PDE4D: variants seen among roughly 807,000 people sequenced by gnomAD.
PDE4D encodes the protein phosphodiesterase 4D.
A neutral mutation model predicts 87.4 loss-of-function variants in PDE4D; 24 were observed. That is an observed-to-expected ratio of 0.27 (90% CI 0.20 to 0.39). The LOEUF (loss-of-function observed/expected upper bound fraction) is 0.39, where lower values mean the gene tolerates loss of function less well. Among genes scored for constraint, PDE4D ranks in the 10% least tolerant of loss-of-function variants. The pLI is 1.00. For synonymous variants in PDE4D, 384 were observed against 383.2 expected (o/e 1.00, Z -0.02); for missense variants, 714 against 1,041.0 (o/e 0.69, Z 4.32).
At chr5:59,332,867 T>C (rs1000908865) in intron 1 of PDE4D, among the ~76,000 whole-genome samples, 4 of 152,184 alleles carry the variant, frequency 2.6e-5, no homozygotes, top group Admixed American at 2.6e-4. Flanking sequence ...GACACAGACA[T>C]GATCATCTGG....
chr5:59,949,678 A>G (rs552856547), intron 3 of PDE4D, among the ~76,000 whole-genome samples: 2 of 152,306 alleles, frequency 1.3e-5, no homozygotes, highest in African/African-American at 2.4e-5. Context: ...GTTACTATCA[A>G]CATTAAGAAA....
At chr5:60,457,208 A>G (rs1746541054) in intron 1 of PDE4D, among the ~76,000 whole-genome samples, 4 of 152,230 alleles carry the variant, frequency 2.6e-5, no homozygotes, top group South Asian at 4.1e-4. Flanking sequence ...CAGAATCTAT[A>G]TAACATGGAA....
intron 1 of PDE4D, among the ~76,000 whole-genome samples, chr5:60,360,517 C>T (rs1759971234): frequency 6.6e-6 from 1 of 152,196 alleles, no homozygotes; most frequent in African/African-American, 2.4e-5. Context: ...CACACATCTG[C>T]TATTTACTGA....
chr5:59,678,884 A>G (rs1245530901), intron 1 of PDE4D, among the ~76,000 whole-genome samples: 2 of 152,198 alleles, frequency 1.3e-5, no homozygotes, highest in Non-Finnish European at 2.9e-5. Flanking sequence ...AGGCATTGTT[A>G]TATGCATATT....
chr5:59,211,374 G>A (rs903196042), intron 2 of PDE4D, among the ~76,000 whole-genome samples: 5 of 152,016 alleles, frequency 3.3e-5, no homozygotes, highest in Admixed American at 3.3e-4. Flanking sequence ...CTATATACTT[G>A]TATACATTCT....
chr5:60,223,710 G>A (rs940054637), intron 1 of PDE4D, among the ~76,000 whole-genome samples: 3 of 152,046 alleles, frequency 2.0e-5, no homozygotes, highest in African/African-American at 7.2e-5. Flanking sequence ...TTTTCTAATT[G>A]GCTTACCGGC....
At chr5:59,416,935 AT>A (rs1793704176) in intron 1 of PDE4D, among the ~76,000 whole-genome samples, 1 of 152,182 alleles carries the variant, frequency 6.6e-6, no homozygotes, top group Non-Finnish European at 1.5e-5. Context: ...ACATATACAT[AT>A]ATTTTATATA....
intron 1 of PDE4D, among the ~76,000 whole-genome samples, chr5:59,339,402 G>C (rs915711429): frequency 2.0e-5 from 3 of 152,214 alleles, no homozygotes; most frequent in African/African-American, 7.2e-5. Context: ...TCTAAGGTTA[G>C]TTTCAGCATG....
At chr5:59,772,583 A>G (rs762056778) in intron 1 of PDE4D, among the ~76,000 whole-genome samples, 15 of 152,224 alleles carry the variant, frequency 9.9e-5, no homozygotes, top group Non-Finnish European at 2.2e-4. Flanking sequence ...ACAGGTTCTG[A>G]CACAAAAAGT....
At chr5:59,827,135 C>G (rs1770424605) in intron 1 of PDE4D, among the ~76,000 whole-genome samples, 1 of 151,792 alleles carries the variant, frequency 6.6e-6, no homozygotes, top group African/African-American at 2.4e-5. Context: ...TCATTTTTTG[C>G]TAAGACAGGC....
At chr5:59,450,457 G>A (rs1798975093) in intron 1 of PDE4D, among the ~76,000 whole-genome samples, 1 of 152,256 alleles carries the variant, frequency 6.6e-6, no homozygotes, top group South Asian at 2.1e-4. Flanking sequence ...TGGCCAAAAG[G>A]TGACTGAGTG....
At chr5:60,463,264 A>G (rs955886474) in intron 1 of PDE4D, among the ~76,000 whole-genome samples, 1 of 152,152 alleles carries the variant, frequency 6.6e-6, no homozygotes, top group African/African-American at 2.4e-5. Flanking sequence ...AGGAAAGTCT[A>G]TGGCCACATC....
At chr5:59,934,801 G>T (rs1387522714) in intron 3 of PDE4D, among the ~76,000 whole-genome samples, 1 of 152,166 alleles carries the variant, frequency 6.6e-6, no homozygotes, top group Non-Finnish European at 1.5e-5. Context: ...GATTCAGAGT[G>T]AAATGGCATG....
intron 6 of PDE4D, among the ~76,000 whole-genome samples, chr5:59,034,129 T>G (rs1358200582): frequency 6.6e-6 from 1 of 152,174 alleles, no homozygotes; most frequent in African/African-American, 2.4e-5. Context: ...ATTCTCAATC[T>G]TTCATATTAA....
chr5:60,253,001 G>C (rs1341903668), intron 1 of PDE4D, among the ~76,000 whole-genome samples: 2 of 151,798 alleles, frequency 1.3e-5, no homozygotes, highest in Non-Finnish European at 2.9e-5. Context: ...TCAATGCTTT[G>C]AAAGGCCAAT....
intron 2 of PDE4D, among the ~76,000 whole-genome samples, chr5:60,013,148 C>T (rs1765176782): frequency 6.6e-6 from 1 of 152,108 alleles, no homozygotes; most frequent in African/African-American, 2.4e-5. Context: ...CCCGTATAAT[C>T]CTGACTTATT....
intron 1 of PDE4D, among the ~76,000 whole-genome samples, chr5:60,197,823 C>A (rs957042339): frequency 1.3e-5 from 2 of 151,454 alleles, no homozygotes; most frequent in African/African-American, 2.4e-5. Flanking sequence ...GAGTAGAAAC[C>A]AAAACCTCTC....
intron 11 of PDE4D, among the ~76,000 whole-genome samples, chr5:58,988,289 C>T (rs572621069): frequency 3.9e-5 from 6 of 152,186 alleles, no homozygotes; most frequent in South Asian, 2.1e-4. Flanking sequence ...AGAACTGGAA[C>T]ACATTTTTCA....
chr5:60,497,560 G>A (rs931891274), intron 1 of PDE4D, among the ~76,000 whole-genome samples: 1 of 151,866 alleles, frequency 6.6e-6, no homozygotes, highest in Non-Finnish European at 1.5e-5. Flanking sequence ...ATGCCACTAA[G>A]CCTGGCTAAT....
Sources: gnomAD v4.1 joint callset for allele counts (sites outside exome capture counted in the v4.1 genomes callset) on GRCh38, gnomAD v4.1.1 for gene constraint, MANE v1.5 for transcripts, NCBI Gene and HGNC (gene_info 2026-07-23, HGNC 2026-07-21) for gene names.